Variants in C21orf91 observed in about 807,000 individuals in gnomAD.
The protein encoded by C21orf91 is chromosome 21 open reading frame 91, also known as protein EURL homolog.
A neutral mutation model predicts 32.9 loss-of-function variants in C21orf91; 26 were observed. That is an observed-to-expected ratio of 0.79 (90% confidence interval 0.58 to 1.10). The LOEUF is 1.10. Among genes scored for constraint, C21orf91 ranks in the 50% least tolerant of loss-of-function variants. The pLI, the probability that C21orf91 is intolerant of heterozygous loss-of-function variation, is 0.00. For synonymous variants in C21orf91, 126 were observed against 120.4 expected, an observed-to-expected ratio of 1.05 and a Z score of -0.31; for missense variants, 310 against 341.3, an observed-to-expected ratio of 0.91 and a Z score of 0.72.
At chr21:17,813,356 A>G (rs1211619456) in intron 2 of C21orf91, among the ~76,000 whole-genome samples, 3 of 152,258 alleles carry the variant, frequency 2.0e-5, no homozygotes, top group Non-Finnish European at 4.4e-5. Context: ...ACTGACCACA[A>G]ACAGTATATG....
rs1290507706 is a variant in C21orf91, at chr21:17,790,381, TAAAGA to T, written c.*3029_*3033del. ...TAAGGTAAAAAATATATAAACAACA[TAAAGA>T]AAACACAAAACCATTTTCAGTCATA... is the stretch of plus-strand genomic sequence containing the variant. On this transcript the variant is annotated 3_prime_UTR_variant, in exon 5 of 5. Coordinates refer to ENST00000284881, the MANE Select transcript of C21orf91 (RefSeq NM_001100420.2). The T allele has an allele frequency of 1.3e-5, 2 of 151,940 alleles. No individual in the cohort carries two copies. Among genetic ancestry groups the T allele is most frequent in the East Asian group, 3.9e-4 (2 of 5,170 alleles). 9.4% of individuals were successfully genotyped at this position (151,940 alleles called of 1,614,324 possible).
In C21orf91 at chr21:17,791,244, G is replaced by T. The variant is rs189772349; in HGVS notation, c.*2171C>A. 1 of 152,114 alleles carries T rather than the reference G, an allele frequency of 6.6e-6. No homozygotes were observed. The highest frequency in any genetic ancestry group is 1.5e-5 in the Non-Finnish European group (1 of 67,956). 9.4% of individuals were successfully genotyped at this position (152,114 alleles called of 1,614,324 possible). On this transcript the variant is annotated 3_prime_UTR_variant, in exon 5 of 5. Transcript: ENST00000284881. ...ACTAGGAACTCATCCAAATAAAGTAGTGTGAGTACCAGCACCACAAAGTTT... is the reference window on the plus strand; with the variant it reads ...ACTAGGAACTCATCCAAATAAAGTATTGTGAGTACCAGCACCACAAAGTTT...
intron 2 of C21orf91, among the ~76,000 whole-genome samples, chr21:17,815,352 TCAGGCA>T (rs912231918): frequency 5.3e-5 from 8 of 152,064 alleles, no homozygotes; most frequent in African/African-American, 1.9e-4. Context: ...AGCTAAGAAA[TCAGGCA>T]ACTGCAATAC....
intron 4 of C21orf91, among the ~76,000 whole-genome samples, chr21:17,794,034 GTTTCAA>G (rs1260479360): frequency 6.6e-6 from 1 of 152,168 alleles, no homozygotes; most frequent in Non-Finnish European, 1.5e-5. Flanking sequence ...GCAACTTTTG[GTTTCAA>G]TTTCCTTTTC....
At chr21:17,816,668 T>G (rs963762236) in intron 2 of C21orf91, among the ~76,000 whole-genome samples, 1 of 152,210 alleles carries the variant, frequency 6.6e-6, no homozygotes, top group Non-Finnish European at 1.5e-5. Context: ...AAAATGACAG[T>G]AGTCATTCCA....
intron 3 of C21orf91, among the ~76,000 whole-genome samples, 179 bp downstream of exon 3, chr21:17,796,403 C>T (rs1023635479): frequency 2.6e-5 from 4 of 152,174 alleles, no homozygotes. Context: ...GCTTAGAAGA[C>T]AGAATCCCAG....
chr21:17,819,204 G>C (rs531746273), intron 1 of C21orf91, 99 bp downstream of exon 1: 1 of 152,500 alleles, frequency 6.6e-6, no homozygotes, highest in South Asian at 2.1e-4. Flanking sequence ...GCGCGCAGCA[G>C]CGCGAGGGGC....
chr21:17,805,062 A>G (rs1279311823), intron 2 of C21orf91, among the ~76,000 whole-genome samples: 1 of 152,266 alleles, frequency 6.6e-6, no homozygotes, highest in East Asian at 1.9e-4. Context: ...ACTTTCTGTG[A>G]TGATGGACAA....
At chr21:17,807,743 GTGGCATTA>G (rs1024448657) in intron 2 of C21orf91, among the ~76,000 whole-genome samples, 38 of 152,268 alleles carry the variant, frequency 2.5e-4, no homozygotes, top group African/African-American at 8.2e-4. Flanking sequence ...AAAGAGACTG[GTGGCATTA>G]TACCCCGGTC....
intron 2 of C21orf91, 88 bp downstream of exon 2, chr21:17,818,104 T>C: frequency 1.1e-6 from 1 of 876,290 alleles, no homozygotes; most frequent in Non-Finnish European, 1.8e-6. Flanking sequence ...TTCCAATCAT[T>C]GAAGACATTT....
intron 2 of C21orf91, among the ~76,000 whole-genome samples, chr21:17,799,189 T>C (rs1367185073): frequency 1.3e-5 from 2 of 152,160 alleles, no homozygotes; most frequent in African/African-American, 4.8e-5. Flanking sequence ...AAAAAGTACA[T>C]TAAATAACTA....
chr21:17,803,113 A>G (rs1006618581), intron 2 of C21orf91, among the ~76,000 whole-genome samples: 1 of 152,188 alleles, frequency 6.6e-6, no homozygotes, highest in Non-Finnish European at 1.5e-5. Context: ...TTGATGTTTA[A>G]ATAAGGCAAA....
intron 2 of C21orf91, among the ~76,000 whole-genome samples, chr21:17,811,957 G>A (rs1473234171): frequency 6.6e-6 from 1 of 151,950 alleles, no homozygotes; most frequent in African/African-American, 2.4e-5. Context: ...CTGTTGCAGA[G>A]GAAATATCCT....
intron 2 of C21orf91, chr21:17,813,769 T>C (rs888522473): frequency 6.6e-6 from 1 of 152,212 alleles, no homozygotes; most frequent in Non-Finnish European, 1.5e-5. Flanking sequence ...GAGCATCATG[T>C]AGGTGTTCAA....
At chr21:17,809,537 C>T (rs575204436) in intron 2 of C21orf91, among the ~76,000 whole-genome samples, 5 of 152,180 alleles carry the variant, frequency 3.3e-5, no homozygotes, top group South Asian at 2.1e-4. Flanking sequence ...CACCAGTATA[C>T]GTTTAGGACA....
chr21:17,819,135 C>T (rs923042103), intron 1 of C21orf91, 168 bp downstream of exon 1: 23 of 152,202 alleles, frequency 1.5e-4, no homozygotes, highest in African/African-American at 5.5e-4. Flanking sequence ...GCGCGGCCGC[C>T]CCCAGGGAGT....
rs2062478159 is a variant in C21orf91, at chr21:17,792,032, T to C, written c.*1383A>G. The C allele has an allele frequency of 2.6e-5, 4 of 152,176 alleles. No homozygotes were observed. Among genetic ancestry groups the C allele is most frequent in the African/African-American group, 9.6e-5 (4 of 41,466 alleles). 9.4% of individuals were successfully genotyped at this position (152,176 alleles called of 1,614,324 possible). A position where few individuals can be genotyped will look rare whatever the true frequency, so the allele number is the denominator to read the frequency against. On this transcript the variant is annotated 3_prime_UTR_variant, in exon 5 of 5. Transcript: ENST00000284881. ...CCAAATTTAAGGCAAATGTCATTTA[T>C]ATCTTTATGCATGAAGCTGCCACGT... is the stretch of plus-strand genomic sequence containing the variant.
chr21:17,796,091 C>G (rs1423354194), intron 3 of C21orf91, among the ~76,000 whole-genome samples: 2 of 152,298 alleles, frequency 1.3e-5, no homozygotes, highest in Non-Finnish European at 1.5e-5. Context: ...AAAATCACCT[C>G]AGCTTCTGTA....
At chr21:17,816,978 C>A (rs2146265415) in intron 2 of C21orf91, among the ~76,000 whole-genome samples, 1 of 152,254 alleles carries the variant, frequency 6.6e-6, no homozygotes, top group African/African-American at 2.4e-5. Flanking sequence ...TTTAAGATAT[C>A]CTTTTATTTT....
Sources: gnomAD v4.1 joint callset for allele counts (sites outside exome capture counted in the v4.1 genomes callset) on GRCh38, gnomAD v4.1.1 for gene constraint, MANE v1.5 for transcripts, NCBI Gene and HGNC (gene_info 2026-07-23, HGNC 2026-07-21) for gene names.